USP3: variants seen among roughly 807,000 people sequenced by gnomAD.
The protein encoded by USP3 is ubiquitin carboxyl-terminal hydrolase 3.
A neutral mutation model predicts 72.3 loss-of-function variants in USP3; 20 were observed. That is an observed-to-expected ratio of 0.28 (90% CI 0.19 to 0.40). USP3 has a LOEUF of 0.40. USP3 is among the 10% of genes least tolerant of loss of function. The pLI is 1.00. For missense variants in USP3, 479 were observed against 633.9 expected, an observed-to-expected ratio of 0.76 and a Z score of 2.62; for synonymous variants, 222 against 225.3, an observed-to-expected ratio of 0.99 and a Z score of 0.13.
At chr15:63,539,616 T>G (rs1490584776) in intron 3 of USP3, among the ~76,000 whole-genome samples, 6 of 152,228 alleles carry the variant, frequency 3.9e-5, no homozygotes, top group Admixed American at 3.3e-4. Flanking sequence ...ATATGTCGTT[T>G]CATGGTGGAA....
At chr15:63,567,299 C>T (rs967738628) in intron 8 of USP3, among the ~76,000 whole-genome samples, 1 of 151,486 alleles carries the variant, frequency 6.6e-6, no homozygotes, top group Non-Finnish European at 1.5e-5. Flanking sequence ...CTCAGCCTCC[C>T]GAGTAGCTGG....
chr15:63,555,063 G>C (rs539013644), intron 4 of USP3, among the ~76,000 whole-genome samples: 3 of 152,130 alleles, frequency 2.0e-5, no homozygotes, highest in Non-Finnish European at 4.4e-5. Flanking sequence ...CTAAGTCAAA[G>C]GGAAAAGAGG....
intron 11 of USP3, among the ~76,000 whole-genome samples, chr15:63,577,124 G>C (rs1368063137): frequency 1.3e-5 from 2 of 152,128 alleles, no homozygotes; most frequent in African/African-American, 4.8e-5. Flanking sequence ...TATTGCAAAA[G>C]GCATTAAATA....
chr15:63,535,426 C>G (rs2066141142), intron 2 of USP3, among the ~76,000 whole-genome samples: 1 of 152,172 alleles, frequency 6.6e-6, no homozygotes, highest in Non-Finnish European at 1.5e-5. Flanking sequence ...AATCACCTAA[C>G]AACCCATGAG....
intron 11 of USP3, among the ~76,000 whole-genome samples, chr15:63,577,635 C>T (rs2066884860): frequency 6.6e-6 from 1 of 152,108 alleles, no homozygotes; most frequent in Non-Finnish European, 1.5e-5. Flanking sequence ...ACCTGTAACC[C>T]CAGCTATTTG....
chr15:63,542,092 A>T (rs1370924018), intron 3 of USP3: 1 of 985,050 alleles, frequency 1.0e-6, no homozygotes, highest in African/African-American at 1.7e-5. Context: ...ATATTTTCTT[A>T]GTTCTTCAAG....
intron 11 of USP3, among the ~76,000 whole-genome samples, chr15:63,585,434 G>A (rs915786079): frequency 2.0e-5 from 3 of 152,068 alleles, no homozygotes; most frequent in Non-Finnish European, 2.9e-5. Context: ...CTCCTTAAAT[G>A]TATTCCTAAG....
chr15:63,574,158 A>T lies in USP3; in HGVS notation c.1015+6A>T. 1 of 1,557,974 alleles carries T rather than the reference A, an allele frequency of 6.4e-7. No individual in the cohort carries two copies. Among genetic ancestry groups the T allele is most frequent in the Non-Finnish European group, 8.7e-7 (1 of 1,149,920 alleles). On this transcript the variant is annotated splice_donor_region_variant and intron_variant, in intron 10 of 14. Coordinates refer to ENST00000380324, the MANE Select transcript of USP3 (RefSeq NM_006537.4). The surrounding 1 kb of genome is among the most constrained non-coding windows in gnomAD (Gnocchi z 4.6). ...AAAGTTTGATCCATTCCTAGGTAAG[A>T]TATATGTGGCATGTGGATATATAAT...
At chr15:63,581,210 G>GAAT (rs1162101660) in intron 11 of USP3, among the ~76,000 whole-genome samples, 1 of 152,112 alleles carries the variant, frequency 6.6e-6, no homozygotes, top group African/African-American at 2.4e-5. Context: ...GTACATTTCA[G>GAAT]GGTCATTCAG....
At chr15:63,523,387 T>C (rs1003526025) in intron 1 of USP3, among the ~76,000 whole-genome samples, 2 of 152,222 alleles carry the variant, frequency 1.3e-5, no homozygotes, top group African/African-American at 2.4e-5. Context: ...ATAGTAGAGC[T>C]ACAACTTTAA....
intron 3 of USP3, 126 bp downstream of exon 3, chr15:63,537,282 A>G: frequency 8.7e-7 from 1 of 1,153,908 alleles, no homozygotes; most frequent in East Asian, 2.8e-5. Flanking sequence ...GTTAGGATTC[A>G]CGGAGGACTG....
chr15:63,555,076 A>G (rs2066489207), intron 4 of USP3, among the ~76,000 whole-genome samples: 1 of 152,220 alleles, frequency 6.6e-6, no homozygotes, highest in Non-Finnish European at 1.5e-5. Flanking sequence ...AAAAGAGGGC[A>G]TTTGAGAACC....
chr15:63,505,179 C>CG (rs1436322379), intron 1 of USP3, among the ~76,000 whole-genome samples: 4 of 151,890 alleles, frequency 2.6e-5, no homozygotes, highest in Admixed American at 2.6e-4. Context: ...GTCCGTGTTG[C>CG]GGGGTCGCCT....
At chr15:63,539,881 A>T (rs1195422175) in intron 3 of USP3, among the ~76,000 whole-genome samples, 1 of 152,224 alleles carries the variant, frequency 6.6e-6, no homozygotes. Context: ...TTGTAAATTG[A>T]CGAAGATGCA....
At chr15:63,518,788 C>T (rs988412956) in intron 1 of USP3, among the ~76,000 whole-genome samples, 7 of 150,876 alleles carry the variant, frequency 4.6e-5, no homozygotes, top group African/African-American at 1.7e-4. Flanking sequence ...TTTTTTGGGA[C>T]GGAGTCTTGC....
chr15:63,533,807 TG>T, intron 2 of USP3: 1 of 1,231,590 alleles, frequency 8.1e-7, no homozygotes, highest in Non-Finnish European at 1.1e-6. Flanking sequence ...CTCTAGGATT[TG>T]GGGAACCTGA....
At chr15:63,517,791 A>G (rs6494409) in intron 1 of USP3, among the ~76,000 whole-genome samples, 110,156 of 152,058 alleles carry the variant, frequency 0.72, 41,529 homozygotes, top group Non-Finnish European at 0.81. Context: ...CTGTGTCCCT[A>G]TACCTAGAGC....
chr15:63,521,527 T>C (rs2065920837), intron 1 of USP3, among the ~76,000 whole-genome samples: 1 of 152,196 alleles, frequency 6.6e-6, no homozygotes, highest in Non-Finnish European at 1.5e-5. Context: ...TTATCTATCG[T>C]AATTATTTTT....
At chr15:63,541,513 A>G (rs1430919319) in intron 3 of USP3, among the ~76,000 whole-genome samples, 1 of 152,176 alleles carries the variant, frequency 6.6e-6, no homozygotes, top group African/African-American at 2.4e-5. Flanking sequence ...GAAACTTTCT[A>G]ATAGAGATAA....
Sources: gnomAD v4.1 joint callset for allele counts (sites outside exome capture counted in the v4.1 genomes callset) on GRCh38, gnomAD v4.1.1 for gene constraint, Gnocchi (gnomAD v3.1) non-coding constraint, MANE v1.5 for transcripts, NCBI Gene and HGNC (gene_info 2026-07-23, HGNC 2026-07-21) for gene names.